Variants in ZNF555 observed in about 807,000 individuals in gnomAD.
ZNF555 encodes zinc finger protein 555.
A neutral mutation model predicts 14.0 loss-of-function variants in ZNF555; 10 were observed. That is an observed-to-expected ratio of 0.72 (90% CI 0.44 to 1.21). The LOEUF is 1.21. Among genes scored for constraint, ZNF555 ranks in the 50% most tolerant of loss-of-function variants. The probability of loss-of-function intolerance (pLI) is 0.00; values close to 1 mark genes in which losing one functional copy is unlikely to be tolerated. For missense variants in ZNF555, 747 were observed against 762.0 expected (o/e 0.98, Z 0.23); for synonymous variants, 277 against 262.4 (o/e 1.06, Z -0.54).
rs2087675309 is a variant in ZNF555, at chr19:2,855,434, C to G, written c.*1482C>G. 6.6e-6 allele frequency: 1 copy of G among 151,994 alleles called. No individual in the cohort carries two copies. The highest frequency in any genetic ancestry group is 2.4e-5 in the African/African-American group (1 of 41,332). The allele number at this position is 151,994 out of a possible 1,614,324, so 9.4% of individuals were successfully genotyped here. A position where few individuals can be genotyped will look rare whatever the true frequency, so the allele number is the denominator to read the frequency against. On this transcript the variant is annotated 3_prime_UTR_variant, in exon 4 of 4. Transcript: ENST00000334241. ...GGCATGGTGGTGAGTACCTGTAACC[C>G]CAGCTACTTGGGAGGCTGAGACAGG...
chr19:2,852,157 A>AAAG (rs1339989224), intron 3 of ZNF555, among the ~76,000 whole-genome samples: 1 of 151,930 alleles, frequency 6.6e-6, no homozygotes, highest in African/African-American at 2.4e-5. Flanking sequence ...CAAAAAAAAA[A>AAAG]AAAGAAAGAA....
intron 1 of ZNF555, among the ~76,000 whole-genome samples, chr19:2,844,183 A>G (rs1599560493): frequency 6.9e-6 from 1 of 145,750 alleles, no homozygotes; most frequent in Non-Finnish European, 1.5e-5. Flanking sequence ...GCTCACTGCA[A>G]TCTCTGCCTC....
In ZNF555 at chr19:2,852,689, C is replaced by T. The variant is rs774920296; in HGVS notation, c.624C>T (p.Thr208=). 43 of 1,614,062 alleles carry T rather than the reference C, an allele frequency of 2.7e-5. No homozygotes were observed. In the Middle Eastern group the frequency reaches 8.2e-4, roughly 31 times the overall value. ...ATGTGTGTAAATTATGTGGGAAAAC[C>T]TTTCCTCGTACTTCCTCCCTCAATC... ...RPYVCKLCGK[T]FPRTSSLNRH... is the part of the protein sequence containing the mutation. Residue 208 remains threonine (T), a synonymous_variant, in exon 4 of 4, where the codon ACC becomes ACT. Transcript: ENST00000334241.
Position 2,853,443 on chromosome 19 carries a change from G to A in ZNF555, c.1378G>A (p.Ala460Thr), listed in dbSNP as rs1052340055. 6 of 1,614,094 alleles carry A rather than the reference G, an allele frequency of 3.7e-6. No homozygotes were observed. In the African/African-American group the frequency reaches 6.7e-5, roughly 18 times the overall value. Residue 460 changes from alanine to threonine, a missense_variant, in exon 4 of 4, where the codon GCC becomes ACC. Ala to Thr is a moderately conservative substitution (Grantham distance 58). Coordinates refer to ENST00000334241, the MANE Select transcript of ZNF555 (RefSeq NM_152791.5). ...CTATGAATGTAAGCAGTGTGGGAAA[G>A]CCTTCAGCTTGTCTGCTTGCTTTCG... ...KPYECKQCGK[A>T]FSLSACFREH...
rs1285520209 is a variant in ZNF555 at position 2,841,533 on chromosome 19, G to T, written c.-40G>T. The T allele has an allele frequency of 6.5e-7, 1 of 1,544,988 alleles. No individual in the cohort carries two copies. The highest frequency in any genetic ancestry group is 2.0e-5 in the Admixed American group (1 of 50,746). ...GGTCCCTGGCGTCCCGGTTCCTGTC[G>T]CGCTCACCTGCGCCGGTAGCGAAGA... On this transcript the variant is annotated 5_prime_UTR_variant, in exon 1 of 4. Coordinates refer to ENST00000334241, the MANE Select transcript of ZNF555 (RefSeq NM_152791.5).
chr19:2,851,441 T>A (rs750641809), intron 2 of ZNF555, 27 bp from the exon 3 acceptor site: 5 of 1,544,876 alleles, frequency 3.2e-6, no homozygotes, highest in South Asian at 1.3e-5. Flanking sequence ...TGCCTTCTTA[T>A]ATGATTTGTT....
At chr19:2,849,197 G>A (rs2087607361) in intron 1 of ZNF555, among the ~76,000 whole-genome samples, 1 of 151,986 alleles carries the variant, frequency 6.6e-6, no homozygotes, top group Admixed American at 6.6e-5. Context: ...ACGGAAAGGA[G>A]TTGATCTTTC....
intron 1 of ZNF555, among the ~76,000 whole-genome samples, chr19:2,846,558 C>T (rs79830936): frequency 6.6e-5 from 10 of 152,296 alleles, no homozygotes; most frequent in African/African-American, 2.2e-4. Flanking sequence ...GTCAGGTCAG[C>T]ATAGTGAAGG....
rs2087669558 is a variant in ZNF555 at position 2,854,760 on chromosome 19, A to G, written c.*808A>G. On this transcript the variant is annotated 3_prime_UTR_variant, in exon 4 of 4. Transcript: ENST00000334241. ...TTAAGTGCTTGATTTCCACTGTGTC[A>G]GAGGTGTAGTCTTCCTCAGACATCT... 1 of 152,216 alleles carries G rather than the reference A, an allele frequency of 6.6e-6. No homozygotes were observed. The highest frequency in any genetic ancestry group is 2.1e-4 in the South Asian group (1 of 4,838). 9.4% of individuals were successfully genotyped at this position (152,216 alleles called of 1,614,324 possible).
intron 1 of ZNF555, among the ~76,000 whole-genome samples, chr19:2,842,919 T>C (rs2087550359): frequency 6.6e-6 from 1 of 152,088 alleles, no homozygotes; most frequent in African/African-American, 2.4e-5. Flanking sequence ...GGCGGGTGCC[T>C]GTAGTCCCAG....
chr19:2,846,353 G>T (rs1477562267), intron 1 of ZNF555, among the ~76,000 whole-genome samples: 1 of 152,204 alleles, frequency 6.6e-6, no homozygotes, highest in Non-Finnish European at 1.5e-5. Context: ...AGGAAGAGGG[G>T]AGCGCTTCGG....
At position 2,850,825 on chromosome 19, in the gene ZNF555, A is replaced by C. The variant is rs2144852488; in HGVS notation, c.130+112A>C. On this transcript the variant is annotated intron_variant, in intron 2 of 3. Coordinates refer to ENST00000334241, the MANE Select transcript of ZNF555 (RefSeq NM_152791.5). ...GTGGAAAGGGAATAAATTGGTAAAT[A>C]AGACAGACATAGTCACAGCTGTCAT... 4 of 1,338,252 alleles carry C rather than the reference A, an allele frequency of 3.0e-6. No homozygotes were observed. In the East Asian group the frequency reaches 7.2e-5, roughly 24 times the overall value. 82.9% of individuals were successfully genotyped at this position (1,338,252 alleles called of 1,614,324 possible).
Position 2,860,395 on chromosome 19 carries a change from C to T in ZNF555, c.*6443C>T, listed in dbSNP as rs1889117538. 6.6e-6 allele frequency: 1 copy of T among 151,892 alleles called. No individual in the cohort carries two copies. The highest frequency in any genetic ancestry group is 2.1e-4 in the South Asian group (1 of 4,820). The allele number at this position is 151,892 out of a possible 1,614,324, so 9.4% of individuals were successfully genotyped here. The stretch of plus-strand genomic sequence containing the variant: ...TGATGAAATATAAAGGCCTAGCAGG[C>T]TCAGAGTTATTAATGAATTGTACTT... On this transcript the variant is annotated 3_prime_UTR_variant, in exon 4 of 4. Coordinates refer to ENST00000334241, the MANE Select transcript of ZNF555 (RefSeq NM_152791.5).
chr19:2,853,993 T>C lies in ZNF555; in HGVS notation c.*41T>C, dbSNP rs1341553171. The C allele has an allele frequency of 6.2e-7, 1 of 1,601,212 alleles. No individual in the cohort carries two copies. The highest frequency in any genetic ancestry group is 8.5e-7 in the Non-Finnish European group (1 of 1,175,828). On this transcript the variant is annotated 3_prime_UTR_variant, in exon 4 of 4. Transcript: ENST00000334241. ...AGTGGACACTCAAGGAGTGTGTCTG[T>C]AGTTCATTTGCAAATAAACATTTAG...
At position 2,853,223 on chromosome 19, in the gene ZNF555, TGAAAG is replaced by T; in HGVS notation, c.1161_1165del (p.Glu387AspfsTer9). The T allele has an allele frequency of 6.2e-7, 1 of 1,614,076 alleles. No individual in the cohort carries two copies. Among genetic ancestry groups the T allele is most frequent in the South Asian group, 1.1e-5 (1 of 91,064 alleles). ...TTTATCCCCAGTCCTTTCGAAGACATGAAAGGACTCATGGTGGAGAGAAACCCTAT... is the reference window on the plus strand; with the variant it reads ...TTTATCCCCAGTCCTTTCGAAGACATGACTCATGGTGGAGAGAAACCCTAT... On this transcript the variant is annotated frameshift_variant, in exon 4 of 4. Transcript: ENST00000334241. LOFTEE classifies it low-confidence loss of function (END_TRUNC).
chr19:2,858,122 G>GC lies in ZNF555; in HGVS notation c.*4172dup, dbSNP rs1377478840. The GC allele has an allele frequency of 6.6e-6, 1 of 152,272 alleles. No individual in the cohort carries two copies. Among genetic ancestry groups the GC allele is most frequent in the African/African-American group, 2.4e-5 (1 of 41,390 alleles). 9.4% of individuals were successfully genotyped at this position (152,272 alleles called of 1,614,324 possible). A position where few individuals can be genotyped will look rare whatever the true frequency, so the allele number is the denominator to read the frequency against. ...GGAGGATCACTTGAGGCCTTGAGGA[G>GC]CCATGATCGTGCCACTGCACTCCAG... On this transcript the variant is annotated 3_prime_UTR_variant, in exon 4 of 4. Transcript: ENST00000334241.
Position 2,852,362 on chromosome 19 carries a change from C to G in ZNF555, c.315-18C>G. 1 of 1,613,404 alleles carries G rather than the reference C, an allele frequency of 6.2e-7. No individual in the cohort carries two copies. The highest frequency in any genetic ancestry group is 8.5e-7 in the Non-Finnish European group (1 of 1,179,914). ...AAATCATTATTAATCAAACCAATAA[C>G]ATGCTTCTCATTTTTAGTAGAAATC... On this transcript the variant is annotated intron_variant, in intron 3 of 3. Transcript: ENST00000334241.
Position 2,851,571 on chromosome 19 carries a change from T to C in ZNF555, c.234T>C (p.Val78=), listed in dbSNP as rs2087630596. The C allele has an allele frequency of 6.2e-7, 1 of 1,612,478 alleles. No homozygotes were observed. Among genetic ancestry groups the C allele is most frequent in the Admixed American group, 1.7e-5 (1 of 59,534 alleles). ...ESKIATFTRN[V]SWASVLGKIW... Reference sequence around the variant, plus strand: ...AAATAGCCACGTTCACCAGAAATGTTTCCTGGGCCTCTGTTTTAGGAAAAA... The same window carrying C: ...AAATAGCCACGTTCACCAGAAATGTCTCCTGGGCCTCTGTTTTAGGAAAAA... Residue 78 remains valine, a synonymous_variant, in exon 3 of 4, where the codon GTT becomes GTC. Coordinates refer to ENST00000334241, the MANE Select transcript of ZNF555 (RefSeq NM_152791.5).
rs2087718272 is a variant in ZNF555 at position 2,859,957 on chromosome 19, G to A, written c.*6005G>A. On this transcript the variant is annotated 3_prime_UTR_variant, in exon 4 of 4. Transcript: ENST00000334241. ...GTCCTAGGTGCTGCAGTGAACAGAA[G>A]AGACAAAATATCCTTGTTCCCTTGA... 1 of 152,146 alleles carries A rather than the reference G, an allele frequency of 6.6e-6. No individual in the cohort carries two copies. The highest frequency in any genetic ancestry group is 1.5e-5 in the Non-Finnish European group (1 of 68,044). 9.4% of individuals were successfully genotyped at this position (152,146 alleles called of 1,614,324 possible).
Sources: allele counts gnomAD v4.1 joint callset (sites outside exome capture counted in the v4.1 genomes callset), GRCh38; gene constraint gnomAD v4.1.1; transcripts MANE v1.5; gene names NCBI Gene and HGNC (gene_info 2026-07-23, HGNC 2026-07-21).